The following TSC2 variants were observed in gnomAD, a reference collection of about 807,000 sequenced individuals.
The protein encoded by TSC2 is tuberin.
Under a neutral mutation model 202.2 loss-of-function variants are expected in TSC2, and 29 were observed. The observed-to-expected ratio is 0.14, with a 90% confidence interval of 0.11 to 0.20. The LOEUF (loss-of-function observed/expected upper bound fraction) is 0.20. Ranked by LOEUF, TSC2 falls within the 10% of genes least tolerant of loss-of-function variation. The probability of loss-of-function intolerance (pLI) is 1.00; values close to 1 mark genes in which losing one functional copy is unlikely to be tolerated. For missense variants in TSC2, 2,429 were observed against 2,420.0 expected (o/e 1.00, Z -0.08); for synonymous variants, 1,349 against 1,044.0 (o/e 1.29, Z -5.63).
At chr16:2,056,485 C>T (rs1011677082) in intron 7 of TSC2, among the ~76,000 whole-genome samples, 159 bp from the exon 8 acceptor site, 2 of 152,238 alleles carry the variant, frequency 1.3e-5, no homozygotes, top group East Asian at 3.9e-4. Flanking sequence ...TCAGGTGCTT[C>T]CCACATGCCC....
Position 2,079,399 on chromosome 16 carries a change from G to A in TSC2, c.3255G>A (p.Ser1085=), listed in dbSNP as rs750617693. ...TGTRSLLGLD[S]GELQSGPESS... ...CCCGGTCGTTACTAGGCCTGGACTCGGGGGAGCTGCAGTCCGGCCCGGAGT... is the reference window on the plus strand; with the variant it reads ...CCCGGTCGTTACTAGGCCTGGACTCAGGGGAGCTGCAGTCCGGCCCGGAGT... The change falls in exon 28 of 42, where the codon TCG becomes TCA. Residue 1085 remains serine, a synonymous_variant. Transcript: ENST00000219476. The surrounding 1 kb of genome is among the most constrained non-coding windows in gnomAD (Gnocchi z 4.6). 19 of 1,612,600 alleles carry A rather than the reference G, an allele frequency of 1.2e-5. No individual in the cohort carries two copies. Among genetic ancestry groups the A allele is most frequent in the South Asian group, 8.8e-5 (8 of 91,080 alleles).
At chr16:2,087,252 C>T in intron 38 of TSC2, 1 of 368,038 alleles carries the variant, frequency 2.7e-6, no homozygotes, top group Non-Finnish European at 5.3e-6. Context: ...CAGCGTCACC[C>T]TCTTCCTGGA....
intron 26 of TSC2, 41 bp from the exon 27 acceptor site, chr16:2,078,991 C>G (rs972958530): frequency 1.2e-6 from 2 of 1,610,720 alleles, no homozygotes; most frequent in Non-Finnish European, 1.7e-6. Flanking sequence ...TCGGCCCGCC[C>G]TACCTGGCAC....
At position 2,088,313 on chromosome 16, in the gene TSC2, G is replaced by A. The variant is rs2151632398; in HGVS notation, c.5247G>A (p.Arg1749=). Residue 1749 remains arginine (R), a synonymous_variant, in exon 41 of 42, where the codon CGG becomes CGA. Transcript: ENST00000219476. ...KWIARLRHIK[R]LRQRICEEAA... is the part of the protein sequence containing the mutation. ...TTGCCCGGCTCCGCCACATCAAGCG[G>A]CTCCGCCAGCGGGTAGGGAATATGG... The A allele has an allele frequency of 6.2e-7, 1 of 1,612,708 alleles. No individual in the cohort carries two copies. The highest frequency in any genetic ancestry group is 1.7e-5 in the Admixed American group (1 of 60,032).
Position 2,082,440 on chromosome 16 carries a change from C to G in TSC2, c.3819C>G (p.Ala1273=), listed in dbSNP as rs1248167345. Residue 1273 remains alanine, a synonymous_variant, in exon 32 of 42, where the codon GCC becomes GCG. Coordinates refer to ENST00000219476, the MANE Select transcript of TSC2 (RefSeq NM_000548.5). ...PPPLPRSNTV[A]SFSSLYQSSC... is the part of the protein sequence containing the mutation. The stretch of plus-strand genomic sequence containing the variant: ...GCACACGGCCTTCCCTTGCAGTGGC[C>G]TCTTTCTCCTCCCTGTACCAGTCCA... 1.9e-6 allele frequency: 3 copies of G among 1,612,602 alleles called. No individual in the cohort carries two copies. The highest frequency in any genetic ancestry group is 2.5e-6 in the Non-Finnish European group (3 of 1,180,004).
chr16:2,086,495 C>T (rs1250396557), intron 37 of TSC2, 116 bp downstream of exon 37: 49 of 1,465,328 alleles, frequency 3.3e-5, no homozygotes, highest in Non-Finnish European at 4.3e-5. Context: ...TGCTCCAGCT[C>T]CCCACGCCTC....
At chr16:2,084,739 G>A (rs201581511) in intron 34 of TSC2, 24 bp downstream of exon 34, 2 of 1,598,420 alleles carry the variant, frequency 1.3e-6, no homozygotes, top group East Asian at 4.5e-5. Context: ...TTCCGGGCGG[G>A]GCTCCTGACA....
At position 2,060,733 on chromosome 16, in the gene TSC2, A is replaced by G. The variant is rs1337295642; in HGVS notation, c.1039A>G (p.Lys347Glu). 6.2e-7 allele frequency: 1 copy of G among 1,613,874 alleles called. No individual in the cohort carries two copies. The highest frequency in any genetic ancestry group is 8.5e-7 in the Non-Finnish European group (1 of 1,179,974). ...CGTCCTGTCCATCACCAGGCTCATC[A>G]AGAAGTATAGGAAGGAGCTCCAGGT... is the stretch of plus-strand genomic sequence containing the variant. The part of the protein sequence containing the change: ...EIVLSITRLI[K>E]KYRKELQVVA... Residue 347 changes from lysine to glutamate, a missense_variant, in exon 11 of 42, where the codon AAG (lysine) becomes GAG (glutamate). By Grantham distance (56) the Lys-to-Glu change is moderately conservative. Coordinates refer to ENST00000219476, the MANE Select transcript of TSC2 (RefSeq NM_000548.5).
chr16:2,051,579 C>T (rs1308111302), intron 3 of TSC2, among the ~76,000 whole-genome samples: 1 of 152,174 alleles, frequency 6.6e-6, no homozygotes, highest in Admixed American at 6.5e-5. Context: ...AGGAAGTGGT[C>T]ATTTTGGGAG....
At chr16:2,061,272 C>G (rs539276410) in intron 11 of TSC2, 1 of 297,372 alleles carries the variant, frequency 3.4e-6, no homozygotes, top group African/African-American at 2.2e-5. Flanking sequence ...TATCCAGCAG[C>G]CTCAGGGCTG....
rs771911660 is a variant in TSC2 at position 2,086,842 on chromosome 16, G to T, written c.4960G>T (p.Gly1654Cys). 8.1e-6 allele frequency: 13 copies of T among 1,603,256 alleles called. No homozygotes were observed. Among genetic ancestry groups the T allele is most frequent in the Non-Finnish European group, 1.1e-5 (13 of 1,175,798 alleles). Reference protein sequence around the residue: ...DFVSIVYNDSGEDFKLGTIKG... With the variant: ...DFVSIVYNDSCEDFKLGTIKG... ...TGTGTCCATTGTCTACAATGACTCC[G>T]GTGAGGACTTCAAGCTTGGCACCAT... Residue 1654 changes from glycine to cysteine, a missense_variant, in exon 38 of 42, where the codon GGT becomes TGT. By Grantham distance (159) the Gly-to-Cys change is radical. Transcript: ENST00000219476.
intron 22 of TSC2, chr16:2,074,854 T>C: frequency 3.9e-6 from 1 of 254,128 alleles, no homozygotes; most frequent in Non-Finnish European, 7.8e-6. Context: ...GGAGAGAAGA[T>C]CGTGTGTGCT....
rs1004345164 is a variant in TSC2 at position 2,088,721 on chromosome 16, GCT to G, written c.*114_*115del. ...TAGAGGCACAGATTGCAGTCAGACA[GCT>G]CTTTTATTGACTTTGTCTGCTTGGT... On this transcript the variant is annotated 3_prime_UTR_variant, in exon 42 of 42. Transcript: ENST00000219476. 21 of 1,411,910 alleles carry G rather than the reference GCT, an allele frequency of 1.5e-5. No homozygotes were observed. The Admixed American group carries it at 3.9e-4, about 26-fold the overall frequency. The allele number at this position is 1,411,910 out of a possible 1,614,324, so 87.5% of individuals were successfully genotyped here.
chr16:2,089,413 T>C lies in TSC2; in HGVS notation c.*803T>C. On this transcript the variant is annotated 3_prime_UTR_variant, in exon 42 of 42. Transcript: ENST00000219476. The stretch of plus-strand genomic sequence containing the variant: ...AGCAGCCTTAGCAGTGGGGGACATC[T>C]GCCCAGGGGGTGGGGCCGGGCACAG... The C allele has an allele frequency of 2.2e-6, 1 of 456,230 alleles. No individual in the cohort carries two copies. The highest frequency in any genetic ancestry group is 4.0e-6 in the Non-Finnish European group (1 of 250,972). The allele number at this position is 456,230 out of a possible 1,614,324, so 28.3% of individuals were successfully genotyped here. A position where few individuals can be genotyped will look rare whatever the true frequency, so the allele number is the denominator to read the frequency against.
At chr16:2,061,611 C>A (rs1023279070) in intron 11 of TSC2, 74 of 545,550 alleles carry the variant, frequency 1.4e-4, no homozygotes, top group African/African-American at 1.1e-3. Context: ...GCCATCACAG[C>A]CACTGTGGCC....
intron 14 of TSC2, 98 bp from the exon 15 acceptor site, chr16:2,064,174 G>A: frequency 1.9e-6 from 3 of 1,587,556 alleles, no homozygotes; most frequent in South Asian, 1.1e-5. Flanking sequence ...CGAGGGACAT[G>A]TCCGCTGCTT....
chr16:2,085,496 C>G (rs938953351), intron 36 of TSC2, among the ~76,000 whole-genome samples, 174 bp downstream of exon 36: 1 of 152,200 alleles, frequency 6.6e-6, no homozygotes, highest in African/African-American at 2.4e-5. Context: ...GCTGGGGACC[C>G]CGGTGCGAGT....
intron 16 of TSC2, among the ~76,000 whole-genome samples, chr16:2,069,969 A>C (rs1004206729): frequency 2.0e-5 from 3 of 152,136 alleles, no homozygotes; most frequent in African/African-American, 7.2e-5. Flanking sequence ...CATTTCTTTA[A>C]AAGAATAACA....
At chr16:2,078,979 G>T in intron 26 of TSC2, 53 bp from the exon 27 acceptor site, 3 of 1,608,432 alleles carry the variant, frequency 1.9e-6, no homozygotes, top group Non-Finnish European at 2.5e-6. Flanking sequence ...GTGATAGGTG[G>T]CTCGGCCCGC....
Sources: gnomAD v4.1 joint callset for allele counts (sites outside exome capture counted in the v4.1 genomes callset) on GRCh38, gnomAD v4.1.1 for gene constraint, Gnocchi (gnomAD v3.1) non-coding constraint, MANE v1.5 for transcripts, NCBI Gene and HGNC (gene_info 2026-07-23, HGNC 2026-07-21) for gene names.